TXNRD2: variants seen among roughly 807,000 people sequenced by gnomAD.
TXNRD2 encodes the protein thioredoxin reductase 2.
A neutral mutation model predicts 70.8 loss-of-function variants in TXNRD2; 67 were observed. That is an observed-to-expected ratio of 0.95 (90% CI 0.78 to 1.16). The LOEUF (loss-of-function observed/expected upper bound fraction) is 1.16. Among genes scored for constraint, TXNRD2 ranks in the 50% most tolerant of loss-of-function variants. The pLI is 0.00. For missense variants in TXNRD2, 644 were observed against 719.9 expected, an observed-to-expected ratio of 0.89 and a Z score of 1.21; for synonymous variants, 301 against 295.8, an observed-to-expected ratio of 1.02 and a Z score of -0.18.
chr22:19,880,799 G>C, intron 12 of TXNRD2, 82 bp from the exon 13 acceptor site: 1 of 939,718 alleles, frequency 1.1e-6, no homozygotes, highest in Non-Finnish European at 1.7e-6. Flanking sequence ...TTTGCCCTCC[G>C]AGTGGGCATC....
intron 2 of TXNRD2, among the ~76,000 whole-genome samples, chr22:19,920,940 A>G (rs1200323999): frequency 6.9e-6 from 1 of 144,696 alleles, no homozygotes; most frequent in Non-Finnish European, 1.5e-5. Flanking sequence ...GTCTCTACTA[A>G]AAAATACAAA....
chr22:19,912,968 G>C (rs1280842933), intron 7 of TXNRD2, among the ~76,000 whole-genome samples: 1 of 152,222 alleles, frequency 6.6e-6, no homozygotes, highest in Non-Finnish European at 1.5e-5. Flanking sequence ...CAGGCCGAGA[G>C]AGCCGTGGTC....
At chr22:19,920,466 C>G (rs1048402417) in intron 2 of TXNRD2, among the ~76,000 whole-genome samples, 7 of 152,072 alleles carry the variant, frequency 4.6e-5, no homozygotes, top group Non-Finnish European at 8.8e-5. Context: ...GCCTGTAGCC[C>G]CAGCTACCCG....
At chr22:19,889,003 C>T (rs976334231) in intron 11 of TXNRD2, among the ~76,000 whole-genome samples, 2 of 151,794 alleles carry the variant, frequency 1.3e-5, no homozygotes, top group African/African-American at 2.4e-5. Context: ...CCCATCGAGA[C>T]GCCATGTTAG....
intron 5 of TXNRD2, 182 bp from the exon 6 acceptor site, chr22:19,916,025 C>A (rs143966513): frequency 1.6e-6 from 1 of 611,776 alleles, no homozygotes; most frequent in East Asian, 2.9e-5. Flanking sequence ...TGTGGGGGCA[C>A]CTCGCCTGTC....
chr22:19,879,431 A>G (rs746126699), intron 14 of TXNRD2, among the ~76,000 whole-genome samples: 10 of 152,006 alleles, frequency 6.6e-5, no homozygotes, highest in Non-Finnish European at 1.5e-4. Context: ...CCGGAGCCAC[A>G]GCCACCTGCC....
In TXNRD2 at chr22:19,895,557, G is replaced by C. The variant is rs780964676; in HGVS notation, c.799C>G (p.His267Asp). The C allele has an allele frequency of 3.1e-6, 5 of 1,612,610 alleles. No homozygotes were observed. The African/African-American group carries it at 6.7e-5, about 22-fold the overall frequency. The change falls in exon 11 of 18, where the codon CAC becomes GAC. Residue 267 changes from histidine (H) to aspartate (D), a missense_variant. Around this residue, in one of 3 missense-constraint regions of TXNRD2, gnomAD observed 566 missense variants for 645.0 expected, o/e 0.88. Coordinates refer to ENST00000400521, the MANE Select transcript of TXNRD2 (RefSeq NM_006440.5). ...DQQMSSMVIE[H>D]MASHGTRFLR... is the part of the protein sequence containing the mutation. Reference sequence around the variant, plus strand: ...AACCGGGTGCCATGAGATGCCATGTGCTCTATGACCATGGAGGACATTTGC... The same window carrying C: ...AACCGGGTGCCATGAGATGCCATGTCCTCTATGACCATGGAGGACATTTGC...
chr22:19,929,908 C>T (rs1164308523), intron 2 of TXNRD2, among the ~76,000 whole-genome samples: 1 of 152,212 alleles, frequency 6.6e-6, no homozygotes, highest in Non-Finnish European at 1.5e-5. Context: ...ATGCCACTCT[C>T]ATGAAAGGCG....
At chr22:19,915,897 C>A in intron 5 of TXNRD2, 54 bp from the exon 6 acceptor site, 1 of 1,505,554 alleles carries the variant, frequency 6.6e-7, no homozygotes, top group South Asian at 1.1e-5. Context: ...TAAACCTCAC[C>A]AACTGGATCA....
intron 3 of TXNRD2, 103 bp downstream of exon 3, chr22:19,919,440 G>T: frequency 1.9e-6 from 2 of 1,025,998 alleles, no homozygotes; most frequent in Non-Finnish European, 3.0e-6. Flanking sequence ...ACCATGGACA[G>T]CAGGGCTGAA....
intron 5 of TXNRD2, among the ~76,000 whole-genome samples, chr22:19,917,581 G>A (rs1940693949): frequency 6.6e-6 from 1 of 152,174 alleles, no homozygotes; most frequent in South Asian, 2.1e-4. Context: ...TCAGGCATCT[G>A]CTGTGCTGGC....
At chr22:19,918,061 CAGTA>C (rs1341359972) in intron 5 of TXNRD2, 78 bp downstream of exon 5, 7 of 1,220,604 alleles carry the variant, frequency 5.7e-6, no homozygotes, top group South Asian at 2.4e-5. Context: ...ATGCTCTGCA[CAGTA>C]AGTAAGTGTG....
intron 2 of TXNRD2, among the ~76,000 whole-genome samples, chr22:19,926,673 C>T (rs746471645): frequency 3.3e-5 from 5 of 151,548 alleles, no homozygotes; most frequent in Non-Finnish European, 4.4e-5. Context: ...CCCAGCTACT[C>T]GGGAGGCTGA....
intron 11 of TXNRD2, chr22:19,887,811 T>C (rs957711755): frequency 1.8e-4 from 28 of 152,184 alleles, no homozygotes; most frequent in African/African-American, 6.5e-4. Context: ...GCCCACTACA[T>C]ATAAGGCAAA....
chr22:19,936,170 G>T (rs1941532254), intron 1 of TXNRD2, among the ~76,000 whole-genome samples: 1 of 151,936 alleles, frequency 6.6e-6, no homozygotes, highest in African/African-American at 2.4e-5. Flanking sequence ...TGGGGTGATT[G>T]GGCCTTGGTA....
intron 8 of TXNRD2, among the ~76,000 whole-genome samples, chr22:19,908,646 C>G (rs889212390): frequency 2.6e-5 from 4 of 152,138 alleles, no homozygotes; most frequent in African/African-American, 7.2e-5. Flanking sequence ...TCCAAAAGAA[C>G]TGAAAGGTCT....
chr22:19,932,254 T>C, intron 1 of TXNRD2: 2 of 1,604,902 alleles, frequency 1.2e-6, no homozygotes. Flanking sequence ...TGTGCCCAGC[T>C]GCAGTCAGCT....
At chr22:19,924,695 T>C (rs1161684917) in intron 2 of TXNRD2, among the ~76,000 whole-genome samples, 1 of 152,150 alleles carries the variant, frequency 6.6e-6, no homozygotes, top group Non-Finnish European at 1.5e-5. Flanking sequence ...TTGGTGGGTT[T>C]GAAAACATAG....
intron 2 of TXNRD2, among the ~76,000 whole-genome samples, chr22:19,921,326 G>T (rs561498279): frequency 6.7e-6 from 1 of 150,346 alleles, no homozygotes; most frequent in African/African-American, 2.4e-5. Context: ...AAGGTGGGGG[G>T]ATGGCTTGAG....
Sources: allele counts gnomAD v4.1 joint callset (sites outside exome capture counted in the v4.1 genomes callset), GRCh38; gene constraint gnomAD v4.1.1; regional missense constraint gnomAD v4.1.1; transcripts MANE v1.5; gene names NCBI Gene and HGNC (gene_info 2026-07-23, HGNC 2026-07-21).